The following KMT2C variants were observed in gnomAD, a reference collection of about 807,000 sequenced individuals.
KMT2C encodes the protein histone-lysine N-methyltransferase 2C.
In KMT2C, 88 loss-of-function variants were observed where a neutral mutation model predicts 507.9. The ratio of observed to expected loss-of-function variants is 0.17; its 90% CI spans 0.15 to 0.21. The LOEUF (loss-of-function observed/expected upper bound fraction) is 0.21. Ranked by LOEUF, KMT2C falls within the 10% of genes least tolerant of loss-of-function variation. The probability of loss-of-function intolerance (pLI) is 1.00; values close to 1 mark genes in which losing one functional copy is unlikely to be tolerated. For synonymous variants in KMT2C, 2,049 were observed against 2,080.8 expected, an observed-to-expected ratio of 0.98 and a Z score of 0.42; for missense variants, 4,954 against 5,957.8, an observed-to-expected ratio of 0.83 and a Z score of 5.55.
chr7:152,251,958 C>T lies in KMT2C; in HGVS notation c.1602G>A (p.Glu534=), dbSNP rs557524724. The change falls in exon 11 of 59, where the codon GAG becomes GAA. Residue 534 remains glutamate, a synonymous_variant. Transcript: ENST00000262189. The stretch of plus-strand genomic sequence containing the variant: ...ATTTACCTGTAGTGAGCTCAGCTAT[C>T]TCCACTTCCTCACCTGGCTGTAAAC... ...MDRLQPGEEV[E]IAELTTDYNN... 1.2e-6 allele frequency: 2 copies of T among 1,608,972 alleles called. No individual in the cohort carries two copies. The highest frequency in any genetic ancestry group is 2.2e-5 in the South Asian group (2 of 89,636).
intron 14 of KMT2C, among the ~76,000 whole-genome samples, chr7:152,240,002 T>A (rs2095354471): frequency 6.6e-6 from 1 of 152,264 alleles, no homozygotes; most frequent in African/African-American, 2.4e-5. Flanking sequence ...AGCAATAGAC[T>A]GGTTTCATTT....
chr7:152,220,668 G>A lies in KMT2C; in HGVS notation c.3567C>T (p.Ser1189=), dbSNP rs995990760. The A allele has an allele frequency of 1.9e-6, 3 of 1,611,450 alleles. No individual in the cohort carries two copies. The highest frequency in any genetic ancestry group is 2.5e-6 in the Non-Finnish European group (3 of 1,179,500). ...LTESGMTQLQ[S]LTVTVPRRKR... is the part of the protein sequence containing the mutation. The stretch of plus-strand genomic sequence containing the variant: ...TTCTTCTTGGAACTGTAACTGTGAG[G>A]CTCTGTAACTGAGTCATCCCTGATT... The change falls in exon 23 of 59, where the codon AGC becomes AGT. Residue 1189 remains serine, a synonymous_variant. Coordinates refer to ENST00000262189, the MANE Select transcript of KMT2C (RefSeq NM_170606.3).
At chr7:152,337,341 C>A (rs1386129870) in intron 2 of KMT2C, among the ~76,000 whole-genome samples, 2 of 152,140 alleles carry the variant, frequency 1.3e-5, no homozygotes, top group Non-Finnish European at 2.9e-5. Flanking sequence ...AGACAATGTG[C>A]ACTTCATTAA....
At position 152,373,102 on chromosome 7, in the gene KMT2C, T is replaced by C. The variant is rs144997323; in HGVS notation, c.162-14427A>G. Among the ~76,000 whole-genome samples the C allele has an allele frequency of 4.8e-4, 73 of 152,304 alleles. No individual in the cohort carries two copies. The East Asian group carries it at 0.013, about 27-fold the overall frequency. ...GAAATCAAAAGGGAAAATCTGTTAA[T>C]ATGGTTGTCATATTTACAAATCAAG... is the stretch of plus-strand genomic sequence containing the variant. On this transcript the variant is annotated intron_variant, in intron 1 of 58. Coordinates refer to ENST00000262189, the MANE Select transcript of KMT2C (RefSeq NM_170606.3).
At chr7:152,278,425 C>T (rs1413912848) in intron 6 of KMT2C, among the ~76,000 whole-genome samples, 10 of 152,168 alleles carry the variant, frequency 6.6e-5, no homozygotes, top group Non-Finnish European at 1.2e-4. Flanking sequence ...GGATTACAGG[C>T]ACCTGCCACC....
rs2092536686 is a variant in KMT2C, at chr7:152,162,970, T to G, written c.10607A>C (p.His3536Pro). Residue 3536 changes from histidine to proline, a missense_variant, in exon 43 of 59, where the codon CAT becomes CCT. Coordinates refer to ENST00000262189, the MANE Select transcript of KMT2C (RefSeq NM_170606.3). ...SPNFSSVKQG[H>P]GNLSGTSFQQ... ...GAAGCTGGTCCCAGAAAGATTTCCA[T>G]GTCCCTGCTTCACAGAAGAAAAATT... 2.5e-6 allele frequency: 4 copies of G among 1,614,078 alleles called. No homozygotes were observed. In the East Asian group the frequency reaches 8.9e-5, roughly 36 times the overall value.
In KMT2C at chr7:152,176,861, A is replaced by G. The variant is rs757837712; in HGVS notation, c.8592T>C (p.Asp2864=). 1.9e-6 allele frequency: 3 copies of G among 1,614,200 alleles called. No homozygotes were observed. Among genetic ancestry groups the G allele is most frequent in the South Asian group, 1.1e-5 (1 of 91,086 alleles). The change falls in exon 38 of 59, where the codon GAT becomes GAC. Residue 2864 remains aspartate (D), a synonymous_variant. Transcript: ENST00000262189. ...AAGGATGCAAAGAAGTCTTTTCTCC[A>G]TCATTTAGGTCTGAGTGAGCAGAAG... ...SQASAHSDLN[D]GEKTSLHPCD...
At chr7:152,240,234 T>C (rs1188227893) in intron 14 of KMT2C, among the ~76,000 whole-genome samples, 1 of 152,236 alleles carries the variant, frequency 6.6e-6, no homozygotes, top group Non-Finnish European at 1.5e-5. Context: ...CTTGAATCTG[T>C]ACCTATGTCT....
chr7:152,386,701 G>T (rs1374269666), intron 1 of KMT2C, among the ~76,000 whole-genome samples: 1 of 152,304 alleles, frequency 6.6e-6, no homozygotes, highest in Non-Finnish European at 1.5e-5. Flanking sequence ...TGACTTAACT[G>T]TTACTGTGTT....
chr7:152,143,845 G>A (rs562708828), intron 55 of KMT2C, among the ~76,000 whole-genome samples: 1 of 152,190 alleles, frequency 6.6e-6, no homozygotes, highest in African/African-American at 2.4e-5. Flanking sequence ...ACAAAGGAAC[G>A]CTGATCCAGT....
chr7:152,196,005 G>A lies in KMT2C; in HGVS notation c.4280C>T (p.Ala1427Val), dbSNP rs2129130831. ...APTKSGTHGP[A>V]DDPLADISEV... ...AGAAATATCAGCTAATGGGTCATCA[G>A]CAGGACCTAAATATAGTAAATATGT... Residue 1427 changes from alanine (A) to valine (V), a missense_variant, in exon 28 of 59, where the codon GCT becomes GTT. Physicochemically the swap from Ala to Val is moderately conservative, Grantham distance 64 (BLOSUM62 0). Coordinates refer to ENST00000262189, the MANE Select transcript of KMT2C (RefSeq NM_170606.3). 2 of 1,573,436 alleles carry A rather than the reference G, an allele frequency of 1.3e-6. No homozygotes were observed. Among genetic ancestry groups the A allele is most frequent in the East Asian group, 2.3e-5 (1 of 44,366 alleles).
chr7:152,249,761 C>A, intron 13 of KMT2C, 115 bp downstream of exon 13: 9 of 199,554 alleles, frequency 4.5e-5, no homozygotes, highest in East Asian at 1.6e-4. Flanking sequence ...AATCTCTTAA[C>A]TAAAAGATTT....
chr7:152,292,430 A>G (rs1179924404), intron 6 of KMT2C, among the ~76,000 whole-genome samples: 2 of 152,206 alleles, frequency 1.3e-5, no homozygotes, highest in African/African-American at 2.4e-5. Context: ...GCAGCAACCA[A>G]CTCTGACACT....
intron 27 of KMT2C, among the ~76,000 whole-genome samples, chr7:152,196,237 T>C (rs900109261): frequency 5.3e-5 from 8 of 152,128 alleles, no homozygotes; most frequent in Non-Finnish European, 1.2e-4. Context: ...TAATGTATAT[T>C]GAGACAAAAT....
In KMT2C at chr7:152,182,269, A is replaced by T. The variant is rs2093458901; in HGVS notation, c.5591T>A (p.Ile1864Asn). Residue 1864 changes from isoleucine (I) to asparagine (N), a missense_variant, in exon 36 of 59, where the codon ATC becomes AAC. Around this residue, in one of 29 missense-constraint regions of KMT2C, gnomAD observed 1,689 missense variants for 1,654.3 expected, o/e 1.02. Coordinates refer to ENST00000262189, the MANE Select transcript of KMT2C (RefSeq NM_170606.3). The part of the protein sequence containing the change: ...PPPPAPSRIP[I>N]QDSLSQAQTS... ...CTGAGCCTGAGAAAGACTATCCTGG[A>T]TGGGAATCCGGGATGGGGCTGGAGG... The T allele has an allele frequency of 6.2e-7, 1 of 1,613,968 alleles. No homozygotes were observed. The highest frequency in any genetic ancestry group is 8.5e-7 in the Non-Finnish European group (1 of 1,179,996).
At chr7:152,276,698 A>T (rs990008985) in intron 6 of KMT2C, among the ~76,000 whole-genome samples, 2 of 151,932 alleles carry the variant, frequency 1.3e-5, no homozygotes, top group African/African-American at 4.8e-5. Flanking sequence ...GGCTGCAGTG[A>T]GCTGTGATCA....
intron 53 of KMT2C, 100 bp from the exon 54 acceptor site, chr7:152,145,395 C>T: frequency 8.6e-7 from 1 of 1,169,312 alleles, no homozygotes; most frequent in East Asian, 2.4e-5. Context: ...AATAACTCAT[C>T]AGCGTTTTCC....
At chr7:152,404,182 A>G (rs1160987221) in intron 1 of KMT2C, among the ~76,000 whole-genome samples, 70 of 149,494 alleles carry the variant, frequency 4.7e-4, no homozygotes, top group African/African-American at 1.8e-3. Context: ...TACTATGCAA[A>G]GTTTTTAAAT....
At chr7:152,379,218 T>C (rs978141065) in intron 1 of KMT2C, among the ~76,000 whole-genome samples, 2 of 152,174 alleles carry the variant, frequency 1.3e-5, no homozygotes, top group Non-Finnish European at 2.9e-5. Flanking sequence ...TGAACCACTT[T>C]TTCCAAAACA....
Sources: gnomAD v4.1 joint callset for allele counts (sites outside exome capture counted in the v4.1 genomes callset) on GRCh38, gnomAD v4.1.1 for gene constraint, gnomAD v4.1.1 regional missense constraint, MANE v1.5 for transcripts, NCBI Gene and HGNC (gene_info 2026-07-23, HGNC 2026-07-21) for gene names.